PIGK: variants seen among roughly 807,000 people sequenced by gnomAD.
The protein encoded by PIGK is phosphatidylinositol glycan anchor biosynthesis class K, also known as GPI-anchor transamidase.
In PIGK, 42 loss-of-function variants were observed where a neutral mutation model predicts 50.6. The ratio of observed to expected loss-of-function variants is 0.83; its 90% confidence interval spans 0.65 to 1.07. The LOEUF (loss-of-function observed/expected upper bound fraction) is 1.07. PIGK is among the 50% of genes least tolerant of loss of function. PIGK has a pLI of 0.00. For missense variants in PIGK, 448 were observed against 488.7 expected, an observed-to-expected ratio of 0.92 and a Z score of 0.78; for synonymous variants, 151 against 156.0, an observed-to-expected ratio of 0.97 and a Z score of 0.24.
rs1656297831 is a variant in PIGK at position 77,206,804 on chromosome 1, A to G, written c.148-73T>C. ...ATGGAGCTGCAGAGTATTTTTCTTTAAGTAGGATACAGAGATCTCTAAGAA... is the reference window on the plus strand; with the variant it reads ...ATGGAGCTGCAGAGTATTTTTCTTTGAGTAGGATACAGAGATCTCTAAGAA... On this transcript the variant is annotated intron_variant, in intron 2 of 10. Coordinates refer to ENST00000370812, the MANE Select transcript of PIGK (RefSeq NM_005482.3). 1.3e-5 allele frequency: 11 copies of G among 876,812 alleles called. No homozygotes were observed. In the Middle Eastern group the frequency reaches 1.0e-3, roughly 83 times the overall value. 54.3% of individuals were successfully genotyped at this position (876,812 alleles called of 1,614,324 possible).
At position 77,202,995 on chromosome 1, in the gene PIGK, T is replaced by C. The variant is rs563376469; in HGVS notation, c.239+3645A>G. Among the ~76,000 whole-genome samples the C allele has an allele frequency of 2.0e-5, 3 of 152,320 alleles. No homozygotes were observed. The South Asian group carries it at 6.2e-4, about 32-fold the overall frequency. On this transcript the variant is annotated intron_variant, in intron 3 of 10. Coordinates refer to ENST00000370812, the MANE Select transcript of PIGK (RefSeq NM_005482.3). ...TTCCCTCAGTCAGCCTCAATTCCCATGTGCTTCGCAGAGCATGGAGAACAC... is the reference window on the plus strand; with the variant it reads ...TTCCCTCAGTCAGCCTCAATTCCCACGTGCTTCGCAGAGCATGGAGAACAC...
In PIGK at chr1:77,092,340, CAGTCCTCCA is replaced by C; in HGVS notation, c.*25_*33del. 1 of 846,266 alleles carries C rather than the reference CAGTCCTCCA, an allele frequency of 1.2e-6. No homozygotes were observed. The highest frequency in any genetic ancestry group is 1.6e-5 in the South Asian group (1 of 61,502). 52.4% of individuals were successfully genotyped at this position (846,266 alleles called of 1,614,324 possible). A position where few individuals can be genotyped will look rare whatever the true frequency, so the allele number is the denominator to read the frequency against. ...TGACATAAATTATTATCCAAGTTTG[CAGTCCTCCA>C]TGCATTCTTCATTCATCATCAAGTC... On this transcript the variant is annotated 3_prime_UTR_variant, in exon 11 of 11. Transcript: ENST00000370812.
At chr1:77,175,870 T>C (rs2100565389) in intron 3 of PIGK, among the ~76,000 whole-genome samples, 1 of 152,300 alleles carries the variant, frequency 6.6e-6, no homozygotes. Context: ...TCTCACCTTA[T>C]GGCCAAACTG....
At chr1:77,141,275 T>C (rs577469325) in intron 9 of PIGK, among the ~76,000 whole-genome samples, 37 of 152,304 alleles carry the variant, frequency 2.4e-4, no homozygotes, top group African/African-American at 8.9e-4. Context: ...GACATAGGTA[T>C]TCTGAGATCA....
intron 3 of PIGK, among the ~76,000 whole-genome samples, chr1:77,197,451 A>G (rs1481372664): frequency 6.6e-6 from 1 of 152,194 alleles, no homozygotes; most frequent in Non-Finnish European, 1.5e-5. Flanking sequence ...GTTGTTCTAC[A>G]GACTATTCTG....
intron 10 of PIGK, among the ~76,000 whole-genome samples, chr1:77,101,966 T>C (rs1272393522): frequency 6.6e-6 from 1 of 152,172 alleles, no homozygotes; most frequent in Non-Finnish European, 1.5e-5. Context: ...ATGGTGCCAC[T>C]GCACTCCAGC....
At chr1:77,218,619 G>A (rs1656641906) in intron 1 of PIGK, among the ~76,000 whole-genome samples, 1 of 152,166 alleles carries the variant, frequency 6.6e-6, no homozygotes, top group South Asian at 2.1e-4. Flanking sequence ...AATGTCTCCT[G>A]ACTATCCCGG....
chr1:77,214,860 G>T (rs1656515635), intron 1 of PIGK, among the ~76,000 whole-genome samples: 1 of 151,990 alleles, frequency 6.6e-6, no homozygotes, highest in East Asian at 1.9e-4. Flanking sequence ...TACCAATAAT[G>T]AACTAGTTGA....
intron 9 of PIGK, among the ~76,000 whole-genome samples, chr1:77,143,153 A>G (rs1654692284): frequency 6.6e-6 from 1 of 152,184 alleles, no homozygotes; most frequent in African/African-American, 2.4e-5. Context: ...AATGGAATAC[A>G]CTTTCCCCAA....
chr1:77,189,022 G>A (rs1655824087), intron 3 of PIGK, among the ~76,000 whole-genome samples: 1 of 152,150 alleles, frequency 6.6e-6, no homozygotes, highest in African/African-American at 2.4e-5. Flanking sequence ...TCCCTCTTTT[G>A]TTAAAAACAT....
chr1:77,123,687 G>A (rs1163763730), intron 9 of PIGK, among the ~76,000 whole-genome samples: 1 of 152,092 alleles, frequency 6.6e-6, no homozygotes, highest in Non-Finnish European at 1.5e-5. Context: ...TTCGCAAGAT[G>A]AAAAAAGTTC....
chr1:77,195,877 T>C (rs1000643952), intron 3 of PIGK, among the ~76,000 whole-genome samples: 3 of 152,190 alleles, frequency 2.0e-5, no homozygotes, highest in Non-Finnish European at 4.4e-5. Context: ...GCAGGTTTGC[T>C]ACATGGGTAT....
At chr1:77,212,769 A>G (rs1488788766) in intron 1 of PIGK, among the ~76,000 whole-genome samples, 1 of 152,220 alleles carries the variant, frequency 6.6e-6, no homozygotes, top group Non-Finnish European at 1.5e-5. Context: ...AATTATAAGT[A>G]TGTATGCACC....
At chr1:77,117,757 C>T (rs1654011430) in intron 10 of PIGK, among the ~76,000 whole-genome samples, 1 of 152,122 alleles carries the variant, frequency 6.6e-6, no homozygotes, top group African/African-American at 2.4e-5. Context: ...TTTCCATTTT[C>T]TTTGTCTTTT....
intron 3 of PIGK, among the ~76,000 whole-genome samples, chr1:77,198,254 A>G (rs1656079882): frequency 6.6e-6 from 1 of 152,060 alleles, no homozygotes; most frequent in Admixed American, 6.6e-5. Flanking sequence ...ATAGTATAAT[A>G]TAATCTCAAT....
At chr1:77,120,801 A>G (rs1165786683) in intron 10 of PIGK, among the ~76,000 whole-genome samples, 1 of 152,232 alleles carries the variant, frequency 6.6e-6, no homozygotes, top group African/African-American at 2.4e-5. Flanking sequence ...TAGTAAAATC[A>G]AGTGCTACTG....
At chr1:77,115,804 T>C (rs182400338) in intron 10 of PIGK, among the ~76,000 whole-genome samples, 18 of 152,268 alleles carry the variant, frequency 1.2e-4, no homozygotes, top group African/African-American at 4.1e-4. Flanking sequence ...GTGCAGCTTA[T>C]CTTAAAAAAA....
At chr1:77,166,083 A>G (rs1655227007) in intron 5 of PIGK, among the ~76,000 whole-genome samples, 1 of 152,212 alleles carries the variant, frequency 6.6e-6, no homozygotes, top group Non-Finnish European at 1.5e-5. Context: ...AATTAGAAAA[A>G]GTATTAAGAA....
At chr1:77,145,500 G>C (rs1654749237) in intron 9 of PIGK, among the ~76,000 whole-genome samples, 1 of 151,972 alleles carries the variant, frequency 6.6e-6, no homozygotes, top group Admixed American at 6.6e-5. Flanking sequence ...TTAATAAAAT[G>C]TGTAGGAAAT....
Sources: allele counts gnomAD v4.1 joint callset (sites outside exome capture counted in the v4.1 genomes callset), GRCh38; gene constraint gnomAD v4.1.1; transcripts MANE v1.5; gene names NCBI Gene and HGNC (gene_info 2026-07-23, HGNC 2026-07-21).